TNR: variants seen among roughly 807,000 people sequenced by gnomAD.
TNR encodes the protein tenascin-R.
A neutral mutation model predicts 150.4 loss-of-function variants in TNR; 45 were observed. The ratio of observed to expected loss-of-function variants is 0.30; its 90% CI spans 0.24 to 0.38. TNR has a LOEUF of 0.38. Among genes scored for constraint, TNR ranks in the 10% least tolerant of loss-of-function variants. The pLI is 1.00. For synonymous variants in TNR, 687 were observed against 678.4 expected (o/e 1.01, Z -0.20); for missense variants, 1,544 against 1,759.1 (o/e 0.88, Z 2.19).
intron 7 of TNR, among the ~76,000 whole-genome samples, chr1:175,389,849 T>A (rs1367844814): frequency 6.6e-6 from 1 of 152,224 alleles, no homozygotes. Flanking sequence ...CTGGAGGGAT[T>A]CCTACAGAGC....
chr1:175,317,354 G>C lies in TNR; in HGVS notation c.*6003C>G, dbSNP rs1456596576. 6.6e-6 allele frequency: 1 copy of C among 152,172 alleles called. No homozygotes were observed. Among genetic ancestry groups the C allele is most frequent in the East Asian group, 1.9e-4 (1 of 5,198 alleles). 9.4% of individuals were successfully genotyped at this position (152,172 alleles called of 1,614,324 possible). A position where few individuals can be genotyped will look rare whatever the true frequency, so the allele number is the denominator to read the frequency against. On this transcript the variant is annotated 3_prime_UTR_variant, in exon 23 of 23. Coordinates refer to ENST00000367674, the MANE Select transcript of TNR (RefSeq NM_003285.3). ...TTCCTTGAGAGGAAATAAAATGAGAGGATTATATTAGATGATCTTGAGTCC... is the reference window on the plus strand; with the variant it reads ...TTCCTTGAGAGGAAATAAAATGAGACGATTATATTAGATGATCTTGAGTCC...
intron 1 of TNR, among the ~76,000 whole-genome samples, chr1:175,550,156 G>A (rs972239139): frequency 3.3e-5 from 5 of 152,180 alleles, no homozygotes; most frequent in African/African-American, 1.2e-4. Context: ...ACCTGCAGAA[G>A]GGGAAGCCAA....
intron 1 of TNR, among the ~76,000 whole-genome samples, chr1:175,669,023 C>A (rs1349852356): frequency 6.6e-6 from 1 of 152,190 alleles, no homozygotes; most frequent in Non-Finnish European, 1.5e-5. Flanking sequence ...TGGGAGGCAG[C>A]TTCCCCTAGG....
rs1491457290 is a variant in TNR at position 175,417,076 on chromosome 1, A to AAAGAAAGAAATAAATC, written c.-63-10300_-63-10299insGATTTATTTCTTTCTT. Among the ~76,000 whole-genome samples, 5 of 113,662 alleles carry AAAGAAAGAAATAAATC rather than the reference A, an allele frequency of 4.4e-5. No individual in the cohort carries two copies. In the East Asian group the frequency reaches 9.7e-4, roughly 22 times the overall value. 74.6% of individuals were successfully genotyped at this position (113,662 alleles called of 152,430 possible). On this transcript the variant is annotated intron_variant, in intron 2 of 22. Coordinates refer to ENST00000367674, the MANE Select transcript of TNR (RefSeq NM_003285.3). ...GAAAGAAAGAAAGAAAGAAAGAAAG[A>AAAGAAAGAAATAAATC]AATCTAAGAAGTGGTCTCTTCCCTC...
At chr1:175,352,897 G>C (rs927457730) in intron 18 of TNR, among the ~76,000 whole-genome samples, 1 of 152,206 alleles carries the variant, frequency 6.6e-6, no homozygotes, top group South Asian at 2.1e-4. Context: ...CGAGTGCAGT[G>C]GGGGAGACAC....
At chr1:175,528,439 C>G (rs184810143) in intron 1 of TNR, 70 bp from the exon 2 acceptor site, 2 of 152,288 alleles carry the variant, frequency 1.3e-5, no homozygotes, top group African/African-American at 2.4e-5. Flanking sequence ...GTTTCCCTTT[C>G]TATTCTAAGT....
intron 2 of TNR, among the ~76,000 whole-genome samples, chr1:175,480,074 C>G (rs1305388941): frequency 6.6e-6 from 1 of 152,024 alleles, no homozygotes; most frequent in Non-Finnish European, 1.5e-5. Context: ...CCCATGTACA[C>G]TAATGAGGCC....
chr1:175,344,583 A>T (rs1016003741), intron 18 of TNR, among the ~76,000 whole-genome samples: 5 of 152,220 alleles, frequency 3.3e-5, no homozygotes, highest in Non-Finnish European at 5.9e-5. Flanking sequence ...AATTCTATGG[A>T]AATCAATTCA....
chr1:175,722,541 T>G (rs1667336251), intron 1 of TNR, among the ~76,000 whole-genome samples: 1 of 152,104 alleles, frequency 6.6e-6, no homozygotes, highest in Non-Finnish European at 1.5e-5. Flanking sequence ...CTCAGCTCAA[T>G]GCAACCTCTG....
chr1:175,666,030 T>C (rs1430374024), intron 1 of TNR, among the ~76,000 whole-genome samples: 2 of 152,180 alleles, frequency 1.3e-5, no homozygotes, highest in South Asian at 2.1e-4. Context: ...TAATTTACCA[T>C]AAGGGAAAGA....
intron 1 of TNR, among the ~76,000 whole-genome samples, chr1:175,560,279 A>G (rs892039141): frequency 3.3e-5 from 5 of 152,224 alleles, no homozygotes; most frequent in Admixed American, 6.5e-5. Context: ...CATGAACTCA[A>G]TAATCATGCT....
chr1:175,659,637 C>G (rs1030824718), intron 1 of TNR, among the ~76,000 whole-genome samples: 6 of 152,196 alleles, frequency 3.9e-5, no homozygotes, highest in Admixed American at 3.3e-4. Context: ...AGAGCCTCAT[C>G]AAGCACTGCT....
At chr1:175,509,388 GTTT>G (rs1659077602) in intron 2 of TNR, among the ~76,000 whole-genome samples, 1 of 152,152 alleles carries the variant, frequency 6.6e-6, no homozygotes, top group Admixed American at 6.5e-5. Flanking sequence ...GATAAAGCCT[GTTT>G]CCAGGTTATC....
intron 2 of TNR, among the ~76,000 whole-genome samples, chr1:175,446,993 T>C (rs1656082878): frequency 6.6e-6 from 1 of 152,212 alleles, no homozygotes; most frequent in Non-Finnish European, 1.5e-5. Flanking sequence ...TGTATGGGCA[T>C]ATGTGTTATG....
intron 1 of TNR, among the ~76,000 whole-genome samples, chr1:175,714,868 C>T (rs1303955041): frequency 1.3e-5 from 2 of 152,184 alleles, no homozygotes; most frequent in South Asian, 2.1e-4. Context: ...GCTCACCTTC[C>T]CGCTATGGCT....
rs141143214 is a variant in TNR at position 175,369,005 on chromosome 1, A to C, written c.1964-1708T>G. Among the ~76,000 whole-genome samples the C allele has an allele frequency of 8.4e-4, 128 of 152,104 alleles. 2 individuals carry two copies. The highest frequency in any genetic ancestry group is 2.9e-3 in the African/African-American group (121 of 41,510). Reference sequence around the variant, plus strand: ...AAAACAAAACAAAAAAACCCAACAAAATCAAGTGATCACCCTGAGGGCCTC... The same window carrying C: ...AAAACAAAACAAAAAAACCCAACAACATCAAGTGATCACCCTGAGGGCCTC... On this transcript the variant is annotated intron_variant, in intron 9 of 22. Transcript: ENST00000367674.
chr1:175,367,847 T>C (rs1389450515), intron 9 of TNR, among the ~76,000 whole-genome samples: 1 of 152,120 alleles, frequency 6.6e-6, no homozygotes, highest in African/African-American at 2.4e-5. Flanking sequence ...AGTAGGAGCA[T>C]GCAGAAGTCC....
At chr1:175,497,494 T>C (rs914775853) in intron 2 of TNR, among the ~76,000 whole-genome samples, 1 of 152,258 alleles carries the variant, frequency 6.6e-6, no homozygotes. Flanking sequence ...AACCGATATC[T>C]GCTTAACAAG....
chr1:175,451,871 T>C (rs766077451), intron 2 of TNR, among the ~76,000 whole-genome samples: 41 of 152,352 alleles, frequency 2.7e-4, no homozygotes, highest in Non-Finnish European at 5.3e-4. Flanking sequence ...GCTGTACTTC[T>C]ATAACGAATT....
Sources: allele counts gnomAD v4.1 joint callset (sites outside exome capture counted in the v4.1 genomes callset), GRCh38; gene constraint gnomAD v4.1.1; transcripts MANE v1.5; gene names NCBI Gene and HGNC (gene_info 2026-07-23, HGNC 2026-07-21).